NLN: variants seen among roughly 807,000 people sequenced by gnomAD.
NLN encodes the protein neurolysin.
NLN carries 64 observed loss-of-function variants against 79.9 expected under a neutral mutation model. The observed-to-expected ratio is 0.80, with a 90% CI of 0.65 to 0.99. The LOEUF is 0.99. Ranked by LOEUF, NLN falls within the 50% of genes least tolerant of loss-of-function variation. NLN has a pLI of 0.00. For synonymous variants in NLN, 267 were observed against 296.6 expected, an observed-to-expected ratio of 0.90 and a Z score of 1.02; for missense variants, 835 against 858.7, an observed-to-expected ratio of 0.97 and a Z score of 0.34.
chr5:65,738,942 T>TATA (rs1758799128), intron 1 of NLN, among the ~76,000 whole-genome samples: 1 of 88,162 alleles, frequency 1.1e-5, no homozygotes, highest in Non-Finnish European at 2.4e-5. Flanking sequence ...ATATATTTTT[T>TATA]ATATATGTTT....
At chr5:65,766,915 C>T (rs1347691471) in intron 3 of NLN, among the ~76,000 whole-genome samples, 1 of 152,266 alleles carries the variant, frequency 6.6e-6, no homozygotes, top group Non-Finnish European at 1.5e-5. Context: ...TCTCCTTTGA[C>T]TCCATGTCTC....
rs1760849084 is a variant in NLN, at chr5:65,823,621, ATTTCGTAGCT to A, written c.*710_*719del. 6.6e-6 allele frequency: 1 copy of A among 151,976 alleles called. No individual in the cohort carries two copies. The highest frequency in any genetic ancestry group is 1.5e-5 in the Non-Finnish European group (1 of 67,996). 9.4% of individuals were successfully genotyped at this position (151,976 alleles called of 1,614,324 possible). A position where few individuals can be genotyped will look rare whatever the true frequency, so the allele number is the denominator to read the frequency against. ...AAGTTTTTGTATCTTGTATTAGAGG[ATTTCGTAGCT>A]TTTATTAGAGGCTCATTTCCACCTC... On this transcript the variant is annotated 3_prime_UTR_variant, in exon 13 of 13. Transcript: ENST00000380985.
intron 1 of NLN, among the ~76,000 whole-genome samples, chr5:65,755,878 C>T (rs891791104): frequency 3.3e-5 from 5 of 152,106 alleles, no homozygotes; most frequent in Admixed American, 2.0e-4. Context: ...AGCTACACTG[C>T]GTTAGCTCTC....
chr5:65,821,042 CAA>C (rs1326744179), intron 12 of NLN, among the ~76,000 whole-genome samples: 7 of 57,476 alleles, frequency 1.2e-4, no homozygotes, highest in Admixed American at 2.0e-4. Context: ...GACTCTGTCT[CAA>C]AAAAAAAAAA....
intron 1 of NLN, among the ~76,000 whole-genome samples, chr5:65,739,863 T>C (rs2150737305): frequency 6.6e-6 from 1 of 152,350 alleles, no homozygotes; most frequent in East Asian, 1.9e-4. Flanking sequence ...TTTCTTGCTA[T>C]TGAATTTATT....
intron 1 of NLN, among the ~76,000 whole-genome samples, chr5:65,726,111 CAAA>C (rs60073030): frequency 0.24 from 29,034 of 120,838 alleles, 2,870 homozygotes; most frequent in Non-Finnish European, 0.27. Context: ...GACTCCGTCT[CAAA>C]AAAAAAAAAA....
At chr5:65,772,096 G>A (rs1323566600) in intron 3 of NLN, among the ~76,000 whole-genome samples, 1 of 151,644 alleles carries the variant, frequency 6.6e-6, no homozygotes, top group African/African-American at 2.4e-5. Context: ...AATTTTTTTG[G>A]GGTCTTAAAA....
Position 65,792,625 on chromosome 5 carries a change from T to C in NLN, c.1497T>C (p.Phe499=). The stretch of plus-strand genomic sequence containing the variant: ...AGGTGAGGACTTACTTTCATGAGTT[T>C]GGTCACGTGATGCATCAGATTTGTG... The part of the protein sequence containing the change: ...HDEVRTYFHE[F]GHVMHQICAQ... Residue 499 remains phenylalanine, a synonymous_variant, in exon 9 of 13, where the codon TTT becomes TTC. Transcript: ENST00000380985. 1 of 1,613,958 alleles carries C rather than the reference T, an allele frequency of 6.2e-7. No individual in the cohort carries two copies. Among genetic ancestry groups the C allele is most frequent in the Non-Finnish European group, 8.5e-7 (1 of 1,179,910 alleles).
At chr5:65,802,433 G>A (rs1329527615) in intron 9 of NLN, among the ~76,000 whole-genome samples, 1 of 152,234 alleles carries the variant, frequency 6.6e-6, no homozygotes, top group Non-Finnish European at 1.5e-5. Flanking sequence ...GAAGCTTAGA[G>A]ACGCTGGGAA....
chr5:65,795,409 A>G (rs1365369728), intron 9 of NLN, among the ~76,000 whole-genome samples: 3 of 151,944 alleles, frequency 2.0e-5, no homozygotes, highest in Non-Finnish European at 4.4e-5. Context: ...AAGATAGGCC[A>G]GGCATGGTGG....
In NLN at chr5:65,822,984, A is replaced by G; in HGVS notation, c.*69A>G. On this transcript the variant is annotated 3_prime_UTR_variant, in exon 13 of 13. Coordinates refer to ENST00000380985, the MANE Select transcript of NLN (RefSeq NM_020726.5). ...ACATCACCATGTGTTACTGGCCTGGAAACTGAAGGGAGTTTTGCAAGTGAA... is the reference window on the plus strand; with the variant it reads ...ACATCACCATGTGTTACTGGCCTGGGAACTGAAGGGAGTTTTGCAAGTGAA... 1.6e-6 allele frequency: 2 copies of G among 1,281,758 alleles called. No homozygotes were observed. The highest frequency in any genetic ancestry group is 1.1e-6 in the Non-Finnish European group (1 of 902,164). 79.4% of individuals were successfully genotyped at this position (1,281,758 alleles called of 1,614,324 possible).
At chr5:65,794,484 A>C (rs554557176) in intron 9 of NLN, among the ~76,000 whole-genome samples, 1 of 152,138 alleles carries the variant, frequency 6.6e-6, no homozygotes, top group Non-Finnish European at 1.5e-5. Flanking sequence ...ACACACCTGT[A>C]GTCCCAGCTA....
At chr5:65,757,256 C>T (rs1376659622) in intron 1 of NLN, among the ~76,000 whole-genome samples, 1 of 152,130 alleles carries the variant, frequency 6.6e-6, no homozygotes. Context: ...CAGTAATGCC[C>T]TACCTACCTT....
intron 1 of NLN, among the ~76,000 whole-genome samples, chr5:65,742,269 TAA>T (rs3081182): frequency 0.24 from 35,897 of 152,008 alleles, 4,351 homozygotes; most frequent in African/African-American, 0.27. Context: ...TCATTGTTCT[TAA>T]GTCTTACTGC....
intron 1 of NLN, among the ~76,000 whole-genome samples, chr5:65,738,313 G>A (rs1398826865): frequency 5.3e-5 from 5 of 94,206 alleles, no homozygotes; most frequent in South Asian, 9.8e-4. Context: ...GCCAGGTGTG[G>A]TGCCTCATGC....
chr5:65,771,719 T>C (rs1759570137), intron 3 of NLN, among the ~76,000 whole-genome samples: 1 of 151,996 alleles, frequency 6.6e-6, no homozygotes, highest in Non-Finnish European at 1.5e-5. Flanking sequence ...CAAATTAAAA[T>C]ACAAGAACCA....
intron 3 of NLN, among the ~76,000 whole-genome samples, chr5:65,770,772 T>C (rs1759550382): frequency 1.3e-5 from 2 of 152,176 alleles, no homozygotes; most frequent in South Asian, 4.1e-4. Flanking sequence ...GATCTATAAA[T>C]TGTGGCACAT....
At chr5:65,731,588 G>A (rs1758609087) in intron 1 of NLN, among the ~76,000 whole-genome samples, 1 of 151,850 alleles carries the variant, frequency 6.6e-6, no homozygotes, top group Non-Finnish European at 1.5e-5. Flanking sequence ...GATTATTGTT[G>A]CTTTTTGCTT....
chr5:65,789,489 A>T (rs1238057315), intron 8 of NLN, among the ~76,000 whole-genome samples: 1 of 152,124 alleles, frequency 6.6e-6, no homozygotes, highest in Non-Finnish European at 1.5e-5. Context: ...TTGAATATTG[A>T]CCACCACCCA....
Sources: gnomAD v4.1 joint callset for allele counts (sites outside exome capture counted in the v4.1 genomes callset) on GRCh38, gnomAD v4.1.1 for gene constraint, MANE v1.5 for transcripts, NCBI Gene and HGNC (gene_info 2026-07-23, HGNC 2026-07-21) for gene names.